The following SPAG16 variants were observed in gnomAD, a reference collection of about 807,000 sequenced individuals.
SPAG16 encodes sperm associated antigen 16, also known as sperm-associated antigen 16 protein.
A neutral mutation model predicts 80.4 loss-of-function variants in SPAG16; 86 were observed. That is an observed-to-expected ratio of 1.07 (90% confidence interval 0.90 to 1.28). The LOEUF (loss-of-function observed/expected upper bound fraction) is 1.28. SPAG16 is among the 50% of genes most tolerant of loss of function. The pLI, the probability that SPAG16 is intolerant of heterozygous loss-of-function variation, is 0.00. For synonymous variants in SPAG16, 294 were observed against 265.9 expected, an observed-to-expected ratio of 1.11 and a Z score of -1.03; for missense variants, 870 against 765.3, an observed-to-expected ratio of 1.14 and a Z score of -1.61.
chr2:214,276,807 C>T (rs1203297913), intron 15 of SPAG16, among the ~76,000 whole-genome samples: 1 of 152,048 alleles, frequency 6.6e-6, no homozygotes, highest in East Asian at 1.9e-4. Flanking sequence ...TTGTGGTGTT[C>T]TCTTTATTTC....
chr2:213,763,940 T>A (rs188582827), intron 10 of SPAG16, among the ~76,000 whole-genome samples: 43 of 152,324 alleles, frequency 2.8e-4, no homozygotes, highest in Admixed American at 6.5e-4. Context: ...TTTGCACAGT[T>A]GGGCTTCAGG....
rs149580034 is a variant in SPAG16 at position 214,277,346 on chromosome 2, G to A, written c.1720+128080G>A. Among the ~76,000 whole-genome samples, 556 of 152,222 alleles carry A rather than the reference G, an allele frequency of 3.7e-3. 3 individuals carry two copies. Among genetic ancestry groups the A allele is most frequent in the African/African-American group, 0.013 (538 of 41,520 alleles). ...TGTTCTGTTGCTGGTGAGGAGCTGC[G>A]ATAATTTGGAGAAGAGGTGCTCTCG... On this transcript the variant is annotated intron_variant, in intron 15 of 15. Coordinates refer to ENST00000331683, the MANE Select transcript of SPAG16 (RefSeq NM_024532.5).
Position 213,574,659 on chromosome 2 carries a change from G to GATATATGATATATATATGATATATGATAT in SPAG16, c.1070+84583_1070+84611dup, listed in dbSNP as rs565593289. Reference sequence around the variant, plus strand: ...ATCACCAGATATATATCATATATATGATATATGATATATATATGATATATG... The same window carrying GATATATGATATATATATGATATATGATAT: ...ATCACCAGATATATATCATATATATGATATATGATATATATATGATATATGATATATATATGATATATATATGATATATG... On this transcript the variant is annotated intron_variant, in intron 10 of 15. Coordinates refer to ENST00000331683, the MANE Select transcript of SPAG16 (RefSeq NM_024532.5). Among the ~76,000 whole-genome samples, 1,342 of 145,794 alleles carry GATATATGATATATATATGATATATGATAT rather than the reference G, an allele frequency of 9.2e-3. 26 individuals carry two copies. Among genetic ancestry groups the GATATATGATATATATATGATATATGATAT allele is most frequent in the African/African-American group, 0.032 (1,248 of 39,444 alleles).
chr2:213,833,508 AT>A (rs1488443906), intron 10 of SPAG16, among the ~76,000 whole-genome samples: 169 of 2,202 alleles, frequency 0.077, 52 homozygotes, highest in East Asian at 0.4. Context: ...TATATATTAT[AT>A]ATAATATATA....
At chr2:213,645,877 CAA>C (rs1209974603) in intron 10 of SPAG16, among the ~76,000 whole-genome samples, 2 of 152,334 alleles carry the variant, frequency 1.3e-5, no homozygotes, top group African/African-American at 4.8e-5. Flanking sequence ...TACCTGGAGA[CAA>C]GAGCGCTGTA....
At chr2:214,232,254 T>C (rs979009831) in intron 15 of SPAG16, among the ~76,000 whole-genome samples, 1 of 152,054 alleles carries the variant, frequency 6.6e-6, no homozygotes, top group African/African-American at 2.4e-5. Flanking sequence ...ATTTAGAATT[T>C]CAAGCTAGAA....
chr2:213,748,750 T>C (rs912973520), intron 10 of SPAG16, among the ~76,000 whole-genome samples: 2 of 152,212 alleles, frequency 1.3e-5, no homozygotes, highest in African/African-American at 4.8e-5. Context: ...TTTAGATATG[T>C]AATATAAATA....
intron 15 of SPAG16, among the ~76,000 whole-genome samples, chr2:214,293,204 C>G (rs1480422695): frequency 4.6e-5 from 7 of 152,144 alleles, no homozygotes; most frequent in Non-Finnish European, 8.8e-5. Context: ...TCTTGGGCCT[C>G]TGGGCAGTGG....
chr2:213,725,614 G>T (rs1371411678), intron 10 of SPAG16, among the ~76,000 whole-genome samples: 5 of 152,074 alleles, frequency 3.3e-5, no homozygotes, highest in Non-Finnish European at 7.4e-5. Flanking sequence ...CATTTATTAG[G>T]GGAATTTACA....
chr2:214,148,116 A>G (rs1460880155), intron 14 of SPAG16, among the ~76,000 whole-genome samples: 1 of 152,184 alleles, frequency 6.6e-6, no homozygotes, highest in Non-Finnish European at 1.5e-5. Flanking sequence ...TATAAACATA[A>G]TTGATGATTT....
chr2:214,210,836 C>T (rs561139843), intron 15 of SPAG16, among the ~76,000 whole-genome samples: 13 of 148,176 alleles, frequency 8.8e-5, no homozygotes, highest in South Asian at 2.1e-4. Context: ...CACATGCGCG[C>T]GCGCACACAC....
chr2:214,306,708 A>G (rs1304763992), intron 15 of SPAG16, among the ~76,000 whole-genome samples: 1 of 152,070 alleles, frequency 6.6e-6, no homozygotes, highest in Admixed American at 6.6e-5. Context: ...ACTTGCATGC[A>G]TCTCAGGGAT....
intron 15 of SPAG16, among the ~76,000 whole-genome samples, chr2:214,211,157 G>A (rs964562724): frequency 1.3e-5 from 2 of 151,876 alleles, no homozygotes; most frequent in African/African-American, 4.8e-5. Flanking sequence ...ATTATTTTTA[G>A]TAAAGAGGCA....
chr2:214,341,210 C>G (rs1460006354), intron 15 of SPAG16, among the ~76,000 whole-genome samples: 1 of 151,426 alleles, frequency 6.6e-6, no homozygotes, highest in Non-Finnish European at 1.5e-5. Flanking sequence ...TATTTGGAAG[C>G]CTAAAAAGTG....
chr2:213,423,853 A>C (rs546508935), intron 9 of SPAG16, among the ~76,000 whole-genome samples: 1 of 152,326 alleles, frequency 6.6e-6, no homozygotes, highest in Non-Finnish European at 1.5e-5. Flanking sequence ...TCTCGTCTGC[A>C]ATAGATAGTC....
intron 10 of SPAG16, among the ~76,000 whole-genome samples, chr2:213,606,160 G>A (rs1470398774): frequency 2.6e-5 from 4 of 152,152 alleles, no homozygotes; most frequent in Non-Finnish European, 4.4e-5. Context: ...CCTTTTTGGT[G>A]TTGAGTAGCA....
Position 214,262,076 on chromosome 2 carries a change from ACTAT to A in SPAG16, c.1720+112817_1720+112820del, listed in dbSNP as rs543068415. ...ACATTTACATTAGATATATAATTAG[ACTAT>A]CTATCTGATATTCATTAGATAGCCT... On this transcript the variant is annotated intron_variant, in intron 15 of 15. Coordinates refer to ENST00000331683, the MANE Select transcript of SPAG16 (RefSeq NM_024532.5). Among the ~76,000 whole-genome samples the A allele has an allele frequency of 5.3e-4, 81 of 152,230 alleles. No homozygotes were observed. In the Middle Eastern group the frequency reaches 0.021, roughly 39 times the overall value.
intron 9 of SPAG16, among the ~76,000 whole-genome samples, chr2:213,450,699 C>T (rs927043647): frequency 6.6e-6 from 1 of 151,976 alleles, no homozygotes; most frequent in Non-Finnish European, 1.5e-5. Context: ...ATGTGTTTGC[C>T]TTAGAGTTTA....
intron 12 of SPAG16, among the ~76,000 whole-genome samples, chr2:214,000,577 G>A (rs1033929450): frequency 5.9e-5 from 9 of 152,188 alleles, no homozygotes; most frequent in Non-Finnish European, 8.8e-5. Context: ...ACTGTTAAGT[G>A]ATGGATTGTG....
Sources: gnomAD v4.1 joint callset for allele counts (sites outside exome capture counted in the v4.1 genomes callset) on GRCh38, gnomAD v4.1.1 for gene constraint, MANE v1.5 for transcripts, NCBI Gene and HGNC (gene_info 2026-07-23, HGNC 2026-07-21) for gene names.